SLC35F4: variants seen among roughly 807,000 people sequenced by gnomAD.
SLC35F4 encodes the protein solute carrier family 35 member F4.
In SLC35F4, 24 loss-of-function variants were observed where a neutral mutation model predicts 44.2. The observed-to-expected ratio is 0.54, with a 90% confidence interval of 0.39 to 0.76. SLC35F4 has a LOEUF of 0.76. Among genes scored for constraint, SLC35F4 ranks in the 30% least tolerant of loss-of-function variants. The probability of loss-of-function intolerance (pLI) is 0.00; values close to 1 mark genes in which losing one functional copy is unlikely to be tolerated. For synonymous variants in SLC35F4, 238 were observed against 223.6 expected (o/e 1.06, Z -0.57); for missense variants, 562 against 586.1 (o/e 0.96, Z 0.42).
chr14:57,790,903 A>T (rs748590767), intron 1 of SLC35F4, among the ~76,000 whole-genome samples: 1 of 152,222 alleles, frequency 6.6e-6, no homozygotes, highest in African/African-American at 2.4e-5. Flanking sequence ...CTATTTAATA[A>T]ATGGTGCTGG....
intron 3 of SLC35F4, among the ~76,000 whole-genome samples, chr14:57,587,756 G>T (rs1175312522): frequency 6.7e-6 from 1 of 148,158 alleles, no homozygotes; most frequent in Non-Finnish European, 1.5e-5. Context: ...ATGTATCCCA[G>T]AACTTAAAGT....
intron 1 of SLC35F4, among the ~76,000 whole-genome samples, chr14:57,937,467 T>G (rs17733306): frequency 0.078 from 11,743 of 150,192 alleles, 598 homozygotes; most frequent in Middle Eastern, 0.12. Flanking sequence ...AGATGGAAAG[T>G]CAGGAGATAA....
In SLC35F4 at chr14:57,594,013, G is replaced by A. The variant is rs775627076; in HGVS notation, c.215C>T (p.Ala72Val). The A allele has an allele frequency of 6.2e-7, 1 of 1,613,942 alleles. No individual in the cohort carries two copies. The highest frequency in any genetic ancestry group is 1.1e-5 in the South Asian group (1 of 91,082). ...TTGGTTTTGAAGTTCAAGAATAGGA[G>A]CAGAGGAATCTTCGGTGACAGACAG... ...SPLSVTEDSS[A>V]PILELQNQGS... Residue 72 changes from alanine (A) to valine (V), a missense_variant, in exon 2 of 8, where the codon GCT becomes GTT. By Grantham distance (64) the Ala-to-Val change is moderately conservative. Transcript: ENST00000556826.
At chr14:57,629,815 G>A (rs1433323234) in intron 1 of SLC35F4, 4 of 333,694 alleles carry the variant, frequency 1.2e-5, no homozygotes, top group African/African-American at 2.2e-5. Context: ...GACTGTAGAC[G>A]AGAAGTGGGA....
rs1566815368 is a variant in SLC35F4, at chr14:57,743,772, A to C, written c.103+121951T>G. Among the ~76,000 whole-genome samples, 2 of 152,192 alleles carry C rather than the reference A, an allele frequency of 1.3e-5. 1 individual carries two copies. The highest frequency in any genetic ancestry group is 1.3e-4 in the Admixed American group (2 of 15,288). On this transcript the variant is annotated intron_variant, in intron 1 of 7. Transcript: ENST00000556826. ...CCAAAGGCTGGCAAAGACACAACAAAAAAACACAATTTTAGGCCAATATCC... is the reference window on the plus strand; with the variant it reads ...CCAAAGGCTGGCAAAGACACAACAACAAAACACAATTTTAGGCCAATATCC...
chr14:57,624,696 A>C (rs1006522251), intron 1 of SLC35F4, among the ~76,000 whole-genome samples: 39 of 152,260 alleles, frequency 2.6e-4, no homozygotes, highest in Non-Finnish European at 1.2e-4. Flanking sequence ...AGAACCAATG[A>C]CAAATATGAC....
rs373130855 is a variant in SLC35F4 at position 57,638,132 on chromosome 14, C to T, written c.104-44008G>A. Among the ~76,000 whole-genome samples the T allele has an allele frequency of 9.2e-5, 14 of 152,200 alleles. No homozygotes were observed. The East Asian group carries it at 2.3e-3, about 25-fold the overall frequency. ...AAATAAGCCTTGGCCTCCAGGTAAGCGATATTGAAACAATTGCAGCTCATC... is the reference window on the plus strand; with the variant it reads ...AAATAAGCCTTGGCCTCCAGGTAAGTGATATTGAAACAATTGCAGCTCATC... On this transcript the variant is annotated intron_variant, in intron 1 of 7. Transcript: ENST00000556826.
At chr14:57,862,808 T>C (rs1172139534) in intron 1 of SLC35F4, among the ~76,000 whole-genome samples, 1 of 152,240 alleles carries the variant, frequency 6.6e-6, no homozygotes, top group Non-Finnish European at 1.5e-5. Context: ...CAAAAGGCAC[T>C]TATCACCTTG....
intron 1 of SLC35F4, among the ~76,000 whole-genome samples, chr14:57,724,772 G>A (rs932109379): frequency 2.6e-5 from 4 of 152,224 alleles, no homozygotes; most frequent in African/African-American, 9.6e-5. Context: ...CCACTCGGAA[G>A]TAGACAGCTG....
Position 57,875,355 on chromosome 14 carries a change from C to T in SLC35F4, n.282+106558G>A, listed in dbSNP as rs75835745. 1.4e-3 allele frequency among the ~76,000 whole-genome samples: 219 copies of T among 152,322 alleles called. 1 individual carries two copies. The highest frequency in any genetic ancestry group is 5.1e-3 in the African/African-American group (214 of 41,578). On this transcript the variant is annotated intron_variant and non_coding_transcript_variant, in intron 1 of 1. Transcript: ENST00000556568. ...CTAGGACTTACTACCACGGCAGTAACGTCAAAATAGTAGTGTTATTGTCTA... is the reference window on the plus strand; with the variant it reads ...CTAGGACTTACTACCACGGCAGTAATGTCAAAATAGTAGTGTTATTGTCTA...
chr14:57,618,488 G>C (rs1178075939), intron 1 of SLC35F4, among the ~76,000 whole-genome samples: 5 of 152,206 alleles, frequency 3.3e-5, no homozygotes, highest in Admixed American at 6.5e-5. Flanking sequence ...TGTACTGTGA[G>C]GAACGGTGCA....
rs1318210866 is a variant in SLC35F4 at position 57,904,431 on chromosome 14, GGACTCCCAT to G, written n.282+77473_282+77481del. 3.9e-5 allele frequency among the ~76,000 whole-genome samples: 6 copies of G among 152,284 alleles called. No individual in the cohort carries two copies. In the East Asian group the frequency reaches 1.2e-3, roughly 29 times the overall value. ...GATGTAATGGTCAGAGCAATTACAT[GGACTCCCAT>G]GTTCCACTCCAAGATTGGGATACTC... On this transcript the variant is annotated intron_variant and non_coding_transcript_variant, in intron 1 of 1. Coordinates refer to the SLC35F4 transcript ENST00000556568.
At chr14:57,939,739 G>A (rs989356274) in intron 1 of SLC35F4, among the ~76,000 whole-genome samples, 1 of 152,212 alleles carries the variant, frequency 6.6e-6, no homozygotes, top group Non-Finnish European at 1.5e-5. Flanking sequence ...TGGGCTGGGA[G>A]TTGGGTAGAA....
intron 1 of SLC35F4, among the ~76,000 whole-genome samples, chr14:57,721,822 G>C (rs932044012): frequency 6.6e-6 from 1 of 152,096 alleles, no homozygotes; most frequent in African/African-American, 2.4e-5. Context: ...CCCAACCCAT[G>C]CTGCCATCAG....
intron 1 of SLC35F4, among the ~76,000 whole-genome samples, chr14:57,977,936 C>T (rs576521191): frequency 1.3e-5 from 2 of 152,144 alleles, no homozygotes; most frequent in Non-Finnish European, 1.5e-5. Flanking sequence ...TATACCTGTA[C>T]TTTTGGCCAG....
chr14:57,774,242 C>T lies in SLC35F4; in HGVS notation c.103+91481G>A, dbSNP rs189412468. ...CTGGAAACCCTGCATGGGGCTACCA[C>T]ACCCCAGGACTTGTTCCTGGCCCCC... is the stretch of plus-strand genomic sequence containing the variant. On this transcript the variant is annotated intron_variant, in intron 1 of 7. Coordinates refer to ENST00000556826, the MANE Select transcript of SLC35F4 (RefSeq NM_001306087.2). Among the ~76,000 whole-genome samples the T allele has an allele frequency of 2.6e-5, 4 of 152,254 alleles. No individual in the cohort carries two copies. In the East Asian group the frequency reaches 5.8e-4, roughly 22 times the overall value.
intron 1 of SLC35F4, among the ~76,000 whole-genome samples, chr14:57,944,531 A>G (rs924603461): frequency 2.0e-5 from 3 of 152,056 alleles, no homozygotes; most frequent in African/African-American, 7.3e-5. Flanking sequence ...CATATTTATT[A>G]TTAACTCCTC....
chr14:57,566,515 T>C lies in SLC35F4; in HGVS notation c.1176A>G (p.Leu392=). The C allele has an allele frequency of 6.2e-7, 1 of 1,601,874 alleles. No individual in the cohort carries two copies. The highest frequency in any genetic ancestry group is 8.5e-7 in the Non-Finnish European group (1 of 1,174,392). Residue 392 remains leucine (L), a synonymous_variant, in exon 7 of 8, where the codon CTA becomes CTG. Transcript: ENST00000556826. ...NVGVVLTYPI[L]ISIGTVLSVP... Reference sequence around the variant, plus strand: ...CGCTGAGCACTGTCCCAATGGAGATTAGGATTGGGTATGTCAGCACCACCC... The same window carrying C: ...CGCTGAGCACTGTCCCAATGGAGATCAGGATTGGGTATGTCAGCACCACCC...
chr14:57,729,930 T>C (rs1175387972), intron 1 of SLC35F4, among the ~76,000 whole-genome samples: 1 of 152,188 alleles, frequency 6.6e-6, no homozygotes, highest in East Asian at 1.9e-4. Flanking sequence ...GTCAAAATGT[T>C]CCCTTCATAC....
Sources: gnomAD v4.1 joint callset for allele counts (sites outside exome capture counted in the v4.1 genomes callset) on GRCh38, gnomAD v4.1.1 for gene constraint, MANE v1.5 for transcripts, NCBI Gene and HGNC (gene_info 2026-07-23, HGNC 2026-07-21) for gene names.